Variants in TDP2 observed in about 807,000 individuals in gnomAD.
The protein encoded by TDP2 is 5'-Tyr-DNA phosphodiesterase.
In TDP2, 38 loss-of-function variants were observed where a neutral mutation model predicts 42.8. That is an observed-to-expected ratio of 0.89 (90% CI 0.68 to 1.16). The LOEUF (loss-of-function observed/expected upper bound fraction) is 1.16, where lower values mean the gene tolerates loss of function less well. TDP2 is among the 50% of genes most tolerant of loss of function. The pLI is 0.00. For missense variants in TDP2, 439 were observed against 439.3 expected (o/e 1.00, Z 0.01); for synonymous variants, 173 against 150.6 (o/e 1.15, Z -1.09).
intron 2 of TDP2, 143 bp downstream of exon 2, chr6:24,666,383 A>C: frequency 7.1e-7 from 1 of 1,406,868 alleles, no homozygotes; most frequent in Non-Finnish European, 9.8e-7. Context: ...GCAGCAACGC[A>C]AGCCCTGCTC....
At position 24,653,079 on chromosome 6, in the gene TDP2, T is replaced by G. The variant is rs199499565; in HGVS notation, c.711A>C (p.Arg237=). ...TTAAAACCATTTTTAACTGATTCAT[T>G]CGTTCCGCAGCATGCCCTCTGGTGC... ...LESTRGHAAE[R]MNQLKMVLKK... is the part of the protein sequence containing the mutation. Residue 237 remains arginine (R), a synonymous_variant, in exon 6 of 7, where the codon CGA becomes CGC. Coordinates refer to ENST00000378198, the MANE Select transcript of TDP2 (RefSeq NM_016614.3). 67 of 1,614,064 alleles carry G rather than the reference T, an allele frequency of 4.2e-5. No homozygotes were observed. Among genetic ancestry groups the G allele is most frequent in the Admixed American group, 1.0e-4 (6 of 60,010 alleles).
chr6:24,656,662 T>C (rs1167058695), intron 4 of TDP2, among the ~76,000 whole-genome samples: 1 of 152,172 alleles, frequency 6.6e-6, no homozygotes, highest in Non-Finnish European at 1.5e-5. Flanking sequence ...ATCAGCCTTA[T>C]CACCCATCAT....
chr6:24,657,730 TCCCAATAGACCAAC>T, intron 4 of TDP2, 68 bp downstream of exon 4: 1 of 706,242 alleles, frequency 1.4e-6, no homozygotes. Context: ...CCTCTCTATG[TCCCAATAGACCAAC>T]TTTGATTTAT....
In TDP2 at chr6:24,654,737, GAAATA is replaced by G. The variant is rs551654399; in HGVS notation, c.518-212_518-208del. On this transcript the variant is annotated intron_variant, in intron 4 of 6. Coordinates refer to ENST00000378198, the MANE Select transcript of TDP2 (RefSeq NM_016614.3). Reference sequence around the variant, plus strand: ...CCAAATTTTAGCTAGAAGCTTAGAAGAAATAAAATAAAATAAAAAAAGACCAGGCA... The same window carrying G: ...CCAAATTTTAGCTAGAAGCTTAGAAGAAATAAAATAAAAAAAGACCAGGCA... Among the ~76,000 whole-genome samples, 9 of 152,098 alleles carry G rather than the reference GAAATA, an allele frequency of 5.9e-5. No homozygotes were observed. The South Asian group carries it at 1.4e-3, about 24-fold the overall frequency.
chr6:24,666,426 C>T (rs1778237440), intron 2 of TDP2, 100 bp downstream of exon 2: 6 of 1,455,832 alleles, frequency 4.1e-6, no homozygotes, highest in Non-Finnish European at 3.8e-6. Context: ...TCTGCCTCAG[C>T]ATCGTCCGCC....
intron 2 of TDP2, among the ~76,000 whole-genome samples, chr6:24,660,251 A>T (rs1046381948): frequency 1.2e-4 from 19 of 152,218 alleles, no homozygotes; most frequent in African/African-American, 3.4e-4. Flanking sequence ...ACATGCTTAC[A>T]TATACAGTTA....
intron 2 of TDP2, 81 bp downstream of exon 2, chr6:24,666,445 C>A: frequency 6.6e-7 from 1 of 1,506,044 alleles, no homozygotes; most frequent in Non-Finnish European, 9.2e-7. Context: ...CCCAGCTCCA[C>A]GGCAGGTCCC....
At chr6:24,663,642 T>C (rs1354090620) in intron 2 of TDP2, among the ~76,000 whole-genome samples, 3 of 152,158 alleles carry the variant, frequency 2.0e-5, no homozygotes, top group African/African-American at 7.2e-5. Context: ...GATCTGGTTG[T>C]TTAAAAGTAT....
In TDP2 at chr6:24,655,682, CACTG is replaced by C. The variant is rs1412100969; in HGVS notation, c.518-1156_518-1153del. On this transcript the variant is annotated intron_variant, in intron 4 of 6. Coordinates refer to ENST00000378198, the MANE Select transcript of TDP2 (RefSeq NM_016614.3). ...ACGGCTGATAGGTGAATAGGTTGAA[CACTG>C]ATTAAGTAAAGTGTGCCTACTCAGC... Among the ~76,000 whole-genome samples, 9 of 152,292 alleles carry C rather than the reference CACTG, an allele frequency of 5.9e-5. No individual in the cohort carries two copies. In the East Asian group the frequency reaches 1.5e-3, roughly 26 times the overall value.
At chr6:24,651,154 ATTACCGTGC>A in intron 6 of TDP2, 85 bp from the exon 7 acceptor site, 1 of 1,116,084 alleles carries the variant, frequency 9.0e-7, no homozygotes, top group Non-Finnish European at 1.3e-6. Flanking sequence ...TGTTTTTGCT[ATTACCGTGC>A]AAGAAATTAT....
chr6:24,663,476 T>C (rs1162869325), intron 2 of TDP2, among the ~76,000 whole-genome samples: 1 of 152,246 alleles, frequency 6.6e-6, no homozygotes, highest in Non-Finnish European at 1.5e-5. Flanking sequence ...CAATTCCATA[T>C]TGATATAGTT....
Position 24,666,507 on chromosome 6 carries a change from C to T in TDP2, c.251+19G>A, listed in dbSNP as rs1436351347. On this transcript the variant is annotated intron_variant, in intron 2 of 6. Transcript: ENST00000378198. ...AACTGCCTCCGTGCGGACTGGCTCC[C>T]GCTCCCCTCATCACTTACTAGGTCT... The T allele has an allele frequency of 1.2e-6, 2 of 1,611,738 alleles. No individual in the cohort carries two copies. The highest frequency in any genetic ancestry group is 1.3e-5 in the African/African-American group (1 of 75,006).
intron 2 of TDP2, among the ~76,000 whole-genome samples, chr6:24,664,583 G>T (rs955436370): frequency 2.6e-5 from 4 of 152,162 alleles, no homozygotes; most frequent in African/African-American, 9.7e-5. Flanking sequence ...CCAGAATTGA[G>T]ATTCCTGCGC....
rs267600903 is a variant in TDP2, at chr6:24,657,889, A to C, written c.440T>G (p.Val147Gly). ...CSYLALYSPD[V>G]IFLQEVIPPY... The stretch of plus-strand genomic sequence containing the variant: ...GGGAATAACTTCCTGTAGAAATATC[A>C]CATCTGGGCTGTACCTAATGAAAAA... Residue 147 changes from valine to glycine, a missense_variant, in exon 4 of 7, where the codon GTG becomes GGG. Val to Gly is a moderately radical substitution (Grantham distance 109). Transcript: ENST00000378198. 6.3e-7 allele frequency: 1 copy of C among 1,577,408 alleles called. No individual in the cohort carries two copies. The highest frequency in any genetic ancestry group is 8.6e-7 in the Non-Finnish European group (1 of 1,159,514).
chr6:24,656,648 T>C (rs1316452733), intron 4 of TDP2, among the ~76,000 whole-genome samples: 1 of 152,146 alleles, frequency 6.6e-6, no homozygotes, highest in African/African-American at 2.4e-5. Context: ...AAAATTAGAA[T>C]GGCATCAGCC....
intron 2 of TDP2, among the ~76,000 whole-genome samples, chr6:24,661,111 G>A (rs1008747237): frequency 6.6e-6 from 1 of 152,192 alleles, no homozygotes; most frequent in African/African-American, 2.4e-5. Flanking sequence ...ATGTAAATAT[G>A]CTGTTGTTCA....
In TDP2 at chr6:24,650,001, A is replaced by C. The variant is rs142381612; in HGVS notation, c.*787T>G. On this transcript the variant is annotated 3_prime_UTR_variant, in exon 7 of 7. Coordinates refer to ENST00000378198, the MANE Select transcript of TDP2 (RefSeq NM_016614.3). ...ATAAACAAATAAAATTCTTTATTTA[A>C]ATTTCTCTTGTGGGGAAAATATTTT... is the stretch of plus-strand genomic sequence containing the variant. The C allele has an allele frequency of 7.9e-5, 12 of 152,364 alleles. No individual in the cohort carries two copies. The East Asian group carries it at 2.3e-3, about 29-fold the overall frequency. 9.4% of individuals were successfully genotyped at this position (152,364 alleles called of 1,614,324 possible).
At chr6:24,654,020 T>C (rs879498184) in intron 5 of TDP2, among the ~76,000 whole-genome samples, 2 of 152,252 alleles carry the variant, frequency 1.3e-5, no homozygotes, top group African/African-American at 4.8e-5. Flanking sequence ...GTGGCACTTA[T>C]GCCTTTCTTA....
chr6:24,656,893 A>G (rs1043229534), intron 4 of TDP2, among the ~76,000 whole-genome samples: 4 of 152,196 alleles, frequency 2.6e-5, no homozygotes, highest in African/African-American at 9.6e-5. Flanking sequence ...GTAAACCAAG[A>G]AGGAAGCATG....
Sources: allele counts gnomAD v4.1 joint callset (sites outside exome capture counted in the v4.1 genomes callset), GRCh38; gene constraint gnomAD v4.1.1; transcripts MANE v1.5; gene names NCBI Gene and HGNC (gene_info 2026-07-23, HGNC 2026-07-21).